The following SLC30A8 variants were observed in gnomAD, a reference collection of about 807,000 sequenced individuals.
The protein encoded by SLC30A8 is proton-coupled zinc antiporter SLC30A8.
In SLC30A8, 27 loss-of-function variants were observed where a neutral mutation model predicts 36.9. The ratio of observed to expected loss-of-function variants is 0.73; its 90% CI spans 0.54 to 1.01. The LOEUF (loss-of-function observed/expected upper bound fraction) is 1.01. SLC30A8 is among the 50% of genes least tolerant of loss of function. The probability of loss-of-function intolerance (pLI) is 0.00; values close to 1 mark genes in which losing one functional copy is unlikely to be tolerated. For synonymous variants in SLC30A8, 164 were observed against 172.4 expected (o/e 0.95, Z 0.38); for missense variants, 439 against 452.0 (o/e 0.97, Z 0.26).
At chr8:117,111,122 T>C (rs781647110) in intron 2 of SLC30A8, among the ~76,000 whole-genome samples, 23 of 152,170 alleles carry the variant, frequency 1.5e-4, no homozygotes, top group Non-Finnish European at 2.9e-4. Context: ...AAACACATCT[T>C]TGTAGGTGTT....
intron 2 of SLC30A8, among the ~76,000 whole-genome samples, chr8:117,059,573 T>C (rs1280189733): frequency 6.6e-6 from 1 of 152,188 alleles, no homozygotes; most frequent in East Asian, 1.9e-4. Flanking sequence ...CCCCTACTCA[T>C]GAATAATATG....
At chr8:117,112,545 G>T (rs564035213) in intron 2 of SLC30A8, among the ~76,000 whole-genome samples, 1 of 152,078 alleles carries the variant, frequency 6.6e-6, no homozygotes, top group Non-Finnish European at 1.5e-5. Context: ...CAGCTCTGCC[G>T]GAGAGAGACT....
chr8:117,147,220 T>C (rs1002036730), intron 2 of SLC30A8, 67 bp downstream of exon 2: 1 of 1,375,592 alleles, frequency 7.3e-7, no homozygotes, highest in Non-Finnish European at 1.0e-6. Flanking sequence ...ATGGGAGGGT[T>C]ACCTAAGTTC....
intron 3 of SLC30A8, among the ~76,000 whole-genome samples, chr8:117,154,274 A>C (rs548941867): frequency 6.6e-6 from 1 of 152,122 alleles, no homozygotes; most frequent in East Asian, 1.9e-4. Context: ...ACACTCTGCA[A>C]CTTCAATTCT....
At chr8:117,016,673 A>C (rs1298551944) in intron 1 of SLC30A8, among the ~76,000 whole-genome samples, 1 of 152,224 alleles carries the variant, frequency 6.6e-6, no homozygotes, top group Non-Finnish European at 1.5e-5. Context: ...TACAGCTAAC[A>C]AAAGATTGCT....
chr8:117,151,124 A>G (rs1422781908), intron 2 of SLC30A8, among the ~76,000 whole-genome samples: 1 of 151,870 alleles, frequency 6.6e-6, no homozygotes, highest in East Asian at 1.9e-4. Context: ...CTTTCACTCT[A>G]TTTTAGTCCG....
In SLC30A8 at chr8:117,175,009, C is replaced by T. The variant is rs1225300907; in HGVS notation, c.*2328C>T. 6.6e-6 allele frequency: 1 copy of T among 152,080 alleles called. No individual in the cohort carries two copies. Among genetic ancestry groups the T allele is most frequent in the Non-Finnish European group, 1.5e-5 (1 of 67,988 alleles). 9.4% of individuals were successfully genotyped at this position (152,080 alleles called of 1,614,324 possible). On this transcript the variant is annotated 3_prime_UTR_variant, in exon 8 of 8. Coordinates refer to ENST00000456015, the MANE Select transcript of SLC30A8 (RefSeq NM_173851.3). Reference sequence around the variant, plus strand: ...CCCATTACCCTTTCCCTGGTGTGGTCAGAACTCCAGGTCACTGGAAGTTAG... The same window carrying T: ...CCCATTACCCTTTCCCTGGTGTGGTTAGAACTCCAGGTCACTGGAAGTTAG...
intron 2 of SLC30A8, among the ~76,000 whole-genome samples, chr8:117,090,329 C>G (rs954387565): frequency 6.6e-6 from 1 of 152,042 alleles, no homozygotes; most frequent in African/African-American, 2.4e-5. Flanking sequence ...GCTTCATTTA[C>G]TCATTCATTT....
At chr8:117,038,301 C>T (rs1234810805) in intron 1 of SLC30A8, among the ~76,000 whole-genome samples, 1 of 151,824 alleles carries the variant, frequency 6.6e-6, no homozygotes, top group African/African-American at 2.4e-5. Context: ...TTATTTTTTC[C>T]AAAACACCAG....
intron 1 of SLC30A8, among the ~76,000 whole-genome samples, chr8:116,963,353 TG>T (rs1814493319): frequency 6.6e-6 from 1 of 152,010 alleles, no homozygotes; most frequent in Non-Finnish European, 1.5e-5. Context: ...CACTTTATAG[TG>T]TGATGCGACC....
intron 2 of SLC30A8, among the ~76,000 whole-genome samples, chr8:117,064,525 G>C (rs1048757141): frequency 6.6e-6 from 1 of 152,224 alleles, no homozygotes; most frequent in Non-Finnish European, 1.5e-5. Flanking sequence ...CGAGATCTCA[G>C]AGTAGACACA....
chr8:116,960,592 G>C (rs1250094822), intron 1 of SLC30A8, among the ~76,000 whole-genome samples: 3 of 152,190 alleles, frequency 2.0e-5, no homozygotes, highest in Non-Finnish European at 2.9e-5. Context: ...CAACGTCGCA[G>C]TAAGAGGTAG....
intron 2 of SLC30A8, chr8:117,128,564 TAAG>T (rs755904638): frequency 2.6e-5 from 4 of 152,116 alleles, no homozygotes; most frequent in East Asian, 1.9e-4. Flanking sequence ...TTGCCTAGGG[TAAG>T]AAGAAGACTT....
intron 1 of SLC30A8, among the ~76,000 whole-genome samples, chr8:117,024,930 T>C (rs1168049343): frequency 6.6e-6 from 1 of 152,182 alleles, no homozygotes; most frequent in Non-Finnish European, 1.5e-5. Context: ...AAGCCCAGTA[T>C]CCATTAGCTA....
intron 4 of SLC30A8, among the ~76,000 whole-genome samples, chr8:117,158,482 G>A (rs2131001894): frequency 6.6e-6 from 1 of 152,256 alleles, no homozygotes; most frequent in Middle Eastern, 3.4e-3. Flanking sequence ...CTCAAAAACA[G>A]CCTCTTTTAT....
At chr8:117,087,961 G>T (rs569589249) in intron 2 of SLC30A8, among the ~76,000 whole-genome samples, 68 of 152,144 alleles carry the variant, frequency 4.5e-4, no homozygotes, top group African/African-American at 1.5e-3. Flanking sequence ...CGGTGGGGGA[G>T]AGAGAGATGA....
chr8:116,972,862 C>T (rs1177781292), intron 1 of SLC30A8, among the ~76,000 whole-genome samples: 1 of 152,150 alleles, frequency 6.6e-6, no homozygotes, highest in Non-Finnish European at 1.5e-5. Context: ...AAAAAGCCCT[C>T]TAATTTTTAA....
intron 1 of SLC30A8, among the ~76,000 whole-genome samples, chr8:117,031,798 A>T (rs1456113807): frequency 6.6e-6 from 1 of 152,044 alleles, no homozygotes; most frequent in Non-Finnish European, 1.5e-5. Context: ...GAAGTAAGTC[A>T]CACATTCCTG....
chr8:117,004,564 T>C (rs1041463287), intron 1 of SLC30A8, among the ~76,000 whole-genome samples: 14 of 152,166 alleles, frequency 9.2e-5, no homozygotes, highest in African/African-American at 2.9e-4. Flanking sequence ...CGGAGGATAA[T>C]TGATACCAGA....
Sources: allele counts gnomAD v4.1 joint callset (sites outside exome capture counted in the v4.1 genomes callset), GRCh38; gene constraint gnomAD v4.1.1; transcripts MANE v1.5; gene names NCBI Gene and HGNC (gene_info 2026-07-23, HGNC 2026-07-21).